Variants in RNF13 observed in about 807,000 individuals in gnomAD.
RNF13 encodes E3 ubiquitin-protein ligase RNF13.
In RNF13, 19 loss-of-function variants were observed where a neutral mutation model predicts 37.7. That is an observed-to-expected ratio of 0.50 (90% CI 0.35 to 0.74). The LOEUF (loss-of-function observed/expected upper bound fraction) is 0.74. Ranked by LOEUF, RNF13 falls within the 30% of genes least tolerant of loss-of-function variation. The pLI, the probability that RNF13 is intolerant of heterozygous loss-of-function variation, is 0.01. For missense variants in RNF13, 375 were observed against 453.0 expected (o/e 0.83, Z 1.56); for synonymous variants, 144 against 157.8 (o/e 0.91, Z 0.65).
intron 3 of RNF13, among the ~76,000 whole-genome samples, chr3:149,866,023 A>G (rs1724781998): frequency 6.6e-6 from 1 of 152,136 alleles, no homozygotes; most frequent in South Asian, 2.1e-4. Flanking sequence ...ATGCTAAACA[A>G]GGGGTGGGAT....
At chr3:149,948,601 C>CA (rs1315297333) in intron 8 of RNF13, among the ~76,000 whole-genome samples, 2 of 152,228 alleles carry the variant, frequency 1.3e-5, no homozygotes, top group Non-Finnish European at 2.9e-5. Flanking sequence ...TTCAAACTGA[C>CA]AAATTAACTT....
At chr3:149,872,332 G>T (rs1712164522) in intron 4 of RNF13, among the ~76,000 whole-genome samples, 178 bp downstream of exon 4, 1 of 152,134 alleles carries the variant, frequency 6.6e-6, no homozygotes, top group African/African-American at 2.4e-5. Flanking sequence ...TCAGGCATTT[G>T]TTGGACATCT....
At chr3:149,871,542 C>A (rs1402479764) in intron 3 of RNF13, among the ~76,000 whole-genome samples, 3 of 151,468 alleles carry the variant, frequency 2.0e-5, no homozygotes, top group Non-Finnish European at 4.4e-5. Context: ...TGTGGATATG[C>A]ATGATTTCCA....
At chr3:149,875,393 T>C (rs2108448143) in intron 4 of RNF13, among the ~76,000 whole-genome samples, 1 of 152,288 alleles carries the variant, frequency 6.6e-6, no homozygotes, top group South Asian at 2.1e-4. Context: ...TTACAACTCT[T>C]TTAGTTTTGT....
At chr3:149,875,769 G>T (rs919234827) in intron 4 of RNF13, among the ~76,000 whole-genome samples, 1 of 152,016 alleles carries the variant, frequency 6.6e-6, no homozygotes, top group African/African-American at 2.4e-5. Context: ...TACATGTCAG[G>T]TACTTATTCT....
intron 7 of RNF13, among the ~76,000 whole-genome samples, chr3:149,913,525 C>T (rs1717198727): frequency 6.6e-6 from 1 of 152,094 alleles, no homozygotes; most frequent in Non-Finnish European, 1.5e-5. Flanking sequence ...TTGGATTTTA[C>T]CAGGTTTTTC....
At chr3:149,849,567 T>C (rs1559905311) in intron 2 of RNF13, among the ~76,000 whole-genome samples, 1 of 152,132 alleles carries the variant, frequency 6.6e-6, no homozygotes, top group African/African-American at 2.4e-5. Flanking sequence ...TTTGTAAAAG[T>C]GAGAGTTTGT....
At chr3:149,951,656 T>C (rs1721352587) in intron 8 of RNF13, among the ~76,000 whole-genome samples, 1 of 152,222 alleles carries the variant, frequency 6.6e-6, no homozygotes, top group Non-Finnish European at 1.5e-5. Context: ...TGGATTGGGA[T>C]GGGCATTGCA....
intron 8 of RNF13, 189 bp from the exon 9 acceptor site, chr3:149,959,867 A>G: frequency 2.3e-6 from 1 of 430,798 alleles, no homozygotes; most frequent in Non-Finnish European, 4.1e-6. Context: ...ATCAATTTTT[A>G]ACTAGTTTAG....
chr3:149,911,487 C>A (rs1018117638), intron 6 of RNF13, among the ~76,000 whole-genome samples: 2 of 152,086 alleles, frequency 1.3e-5, no homozygotes, highest in Non-Finnish European at 2.9e-5. Flanking sequence ...GCAAAACCCT[C>A]TCTACTAATA....
intron 5 of RNF13, among the ~76,000 whole-genome samples, chr3:149,896,722 G>T (rs544673233): frequency 1.3e-5 from 2 of 151,908 alleles, no homozygotes; most frequent in Non-Finnish European, 2.9e-5. Context: ...CAGGTGATCC[G>T]CCCACCTCAG....
intron 8 of RNF13, among the ~76,000 whole-genome samples, chr3:149,946,689 A>G (rs568375013): frequency 1.3e-5 from 2 of 152,200 alleles, no homozygotes; most frequent in Non-Finnish European, 2.9e-5. Context: ...TAGCTATTTC[A>G]GTCTTCTCTC....
chr3:149,910,495 G>C (rs1307067585), intron 6 of RNF13, among the ~76,000 whole-genome samples: 1 of 152,108 alleles, frequency 6.6e-6, no homozygotes, highest in Non-Finnish European at 1.5e-5. Context: ...CCTTGTGTGT[G>C]TGTATAAGAA....
At chr3:149,816,884 A>G (rs557516489) in intron 1 of RNF13, among the ~76,000 whole-genome samples, 130 of 152,316 alleles carry the variant, frequency 8.5e-4, no homozygotes, top group African/African-American at 3.0e-3. Flanking sequence ...TAGTGAAGGT[A>G]TAGATTTGAA....
chr3:149,879,798 T>C (rs990675724), intron 4 of RNF13, among the ~76,000 whole-genome samples: 1 of 152,218 alleles, frequency 6.6e-6, no homozygotes, highest in Admixed American at 6.5e-5. Context: ...GTGTTTATAA[T>C]AGCTTGCAAA....
intron 3 of RNF13, among the ~76,000 whole-genome samples, chr3:149,867,045 G>C (rs530465050): frequency 6.6e-6 from 1 of 152,142 alleles, no homozygotes; most frequent in African/African-American, 2.4e-5. Flanking sequence ...TTCGGTTATT[G>C]ATTCTTTGTT....
At chr3:149,844,847 G>A (rs1401716524) in intron 1 of RNF13, among the ~76,000 whole-genome samples, 1 of 152,024 alleles carries the variant, frequency 6.6e-6, no homozygotes, top group African/African-American at 2.4e-5. Flanking sequence ...TATATTTATA[G>A]AGTTGTGCAA....
intron 4 of RNF13, among the ~76,000 whole-genome samples, chr3:149,886,832 G>A (rs879316567): frequency 6.6e-6 from 1 of 152,154 alleles, no homozygotes; most frequent in Non-Finnish European, 1.5e-5. Flanking sequence ...TATAGTGTTA[G>A]TAGTATCCAA....
intron 1 of RNF13, among the ~76,000 whole-genome samples, chr3:149,821,445 G>A (rs765128592): frequency 2.2e-4 from 33 of 152,092 alleles, no homozygotes; most frequent in Non-Finnish European, 4.0e-4. Context: ...TCATGTGCTT[G>A]TTGGCCATGT....
Sources: gnomAD v4.1 joint callset for allele counts (sites outside exome capture counted in the v4.1 genomes callset) on GRCh38, gnomAD v4.1.1 for gene constraint, MANE v1.5 for transcripts, NCBI Gene and HGNC (gene_info 2026-07-23, HGNC 2026-07-21) for gene names.